ZNF746: variants seen among roughly 807,000 people sequenced by gnomAD.
ZNF746 encodes the protein zinc finger protein 746, also known as parkin-interacting substrate.
Under a neutral mutation model 41.0 loss-of-function variants are expected in ZNF746, and 13 were observed. The observed-to-expected ratio is 0.32, with a 90% CI of 0.21 to 0.50. The LOEUF (loss-of-function observed/expected upper bound fraction) is 0.50, where lower values mean the gene tolerates loss of function less well. Among genes scored for constraint, ZNF746 ranks in the 20% least tolerant of loss-of-function variants. ZNF746 has a pLI of 0.98. For missense variants in ZNF746, 811 were observed against 922.9 expected (o/e 0.88, Z 1.57); for synonymous variants, 424 against 396.2 (o/e 1.07, Z -0.83).
Position 149,494,008 on chromosome 7 carries a change from G to C in ZNF746, c.432C>G (p.Tyr144Ter). 6.2e-7 allele frequency: 1 copy of C among 1,614,212 alleles called. No individual in the cohort carries two copies. The highest frequency in any genetic ancestry group is 8.5e-7 in the Non-Finnish European group (1 of 1,180,046). Residue 144 changes from tyrosine to a stop codon, truncating the protein, a stop_gained, in exon 3 of 7, where the codon TAC becomes TAG. Coordinates refer to ENST00000458143, the MANE Select transcript of ZNF746 (RefSeq NM_001394198.1). LOFTEE classifies it high-confidence loss of function. This position sits in a 1 kb window ranked among gnomAD's most constrained non-coding sequence, Gnocchi z 5.6. Reference sequence around the variant, plus strand: ...CCTTACCCAGGGAGACCAGCGTCTCGTAGTTGCCCCTCATCACGTGCTTGT... The same window carrying C: ...CCTTACCCAGGGAGACCAGCGTCTCCTAGTTGCCCCTCATCACGTGCTTGT... ...ELYKHVMRGNYETLVSLDYAI... is the reference protein window; with the variant it reads ...ELYKHVMRGN
At chr7:149,496,059 C>T (rs911179142) in intron 1 of ZNF746, among the ~76,000 whole-genome samples, 4 of 152,306 alleles carry the variant, frequency 2.6e-5, no homozygotes, top group South Asian at 2.1e-4. Context: ...TGATCCCAGA[C>T]GCCAAGAGTT....
intron 4 of ZNF746, chr7:149,488,247 ATAAAT>A (rs1436072302): frequency 1.3e-5 from 2 of 152,230 alleles, no homozygotes; most frequent in African/African-American, 2.4e-5. Flanking sequence ...TTAATTCTAG[ATAAAT>A]TAAAGACTTA....
Position 149,474,031 on chromosome 7 carries a change from G to GA in ZNF746, c.*352dup, listed in dbSNP as rs1250603014. 1 of 327,078 alleles carries GA rather than the reference G, an allele frequency of 3.1e-6. No homozygotes were observed. The highest frequency in any genetic ancestry group is 5.9e-6 in the Non-Finnish European group (1 of 170,428). 20.3% of individuals were successfully genotyped at this position (327,078 alleles called of 1,614,324 possible). ...TATCAGACTCAGTGAGATAGTGACA[G>GA]AAATGCACGCCCTGAAAACCAAAAG... On this transcript the variant is annotated 3_prime_UTR_variant, in exon 7 of 7. Transcript: ENST00000458143. The surrounding 1 kb of genome is among the most constrained non-coding windows in gnomAD (Gnocchi z 6.3).
intron 4 of ZNF746, among the ~76,000 whole-genome samples, chr7:149,479,453 A>G (rs1158345876): frequency 1.3e-5 from 2 of 152,258 alleles, no homozygotes; most frequent in Non-Finnish European, 2.9e-5. Flanking sequence ...AATTTAAAAA[A>G]TAATCTCATA....
intron 4 of ZNF746, among the ~76,000 whole-genome samples, chr7:149,482,234 C>T (rs1177443795): frequency 6.6e-6 from 1 of 152,084 alleles, no homozygotes; most frequent in Admixed American, 6.5e-5. Context: ...GATTTTCAGA[C>T]TAAAACCAAA....
rs1056646651 is a variant in ZNF746 at position 149,474,354 on chromosome 7, G to A, written c.*30C>T. ...TGCACACGGGGCTTTTTACACGTGC[G>A]GCCGGCAGGGGCTATGGGGCTGGAG... is the stretch of plus-strand genomic sequence containing the variant. On this transcript the variant is annotated 3_prime_UTR_variant, in exon 7 of 7. Coordinates refer to ENST00000458143, the MANE Select transcript of ZNF746 (RefSeq NM_001394198.1). This position sits in a 1 kb window ranked among gnomAD's most constrained non-coding sequence, Gnocchi z 6.3. The A allele has an allele frequency of 1.3e-6, 2 of 1,580,640 alleles. No homozygotes were observed. The highest frequency in any genetic ancestry group is 1.2e-5 in the South Asian group (1 of 86,528).
Position 149,492,028 on chromosome 7 carries a change from A to T in ZNF746, c.565+831T>A, listed in dbSNP as rs1023297682. ...ACCATAAGGCTGACCAATGTAGACCAAAGTAGCTCTACAACTGCTACTGGT... is the reference window on the plus strand; with the variant it reads ...ACCATAAGGCTGACCAATGTAGACCTAAGTAGCTCTACAACTGCTACTGGT... On this transcript the variant is annotated intron_variant, in intron 4 of 6. Transcript: ENST00000458143. 60 of 701,874 alleles carry T rather than the reference A, an allele frequency of 8.5e-5. No homozygotes were observed. In the Admixed American group the frequency reaches 1.2e-3, roughly 14 times the overall value. The allele number at this position is 701,874 out of a possible 1,614,324, so 43.5% of individuals were successfully genotyped here.
chr7:149,492,089 T>C (rs1800826539), intron 4 of ZNF746: 2 of 682,478 alleles, frequency 2.9e-6, no homozygotes, highest in African/African-American at 1.8e-5. Context: ...CAAGGCTGAC[T>C]CTTTGCAAAG....
At position 149,473,698 on chromosome 7, in the gene ZNF746, A is replaced by C. The variant is rs1185032270; in HGVS notation, c.*686T>G. The C allele has an allele frequency of 6.5e-6, 1 of 154,264 alleles. No individual in the cohort carries two copies. Among genetic ancestry groups the C allele is most frequent in the Non-Finnish European group, 1.4e-5 (1 of 69,214 alleles). 9.6% of individuals were successfully genotyped at this position (154,264 alleles called of 1,614,324 possible). ...TCCTTATGAGGCCAGGGAGTCACAC[A>C]CTAGGGGACACCACCAAGTGCCCTT... is the stretch of plus-strand genomic sequence containing the variant. On this transcript the variant is annotated 3_prime_UTR_variant, in exon 7 of 7. Coordinates refer to ENST00000458143, the MANE Select transcript of ZNF746 (RefSeq NM_001394198.1).
intron 4 of ZNF746, among the ~76,000 whole-genome samples, chr7:149,483,068 G>A (rs1340005519): frequency 3.3e-5 from 5 of 152,156 alleles, no homozygotes; most frequent in Admixed American, 1.3e-4. Flanking sequence ...AAATTTAAAC[G>A]ACTAGTATTT....
chr7:149,480,444 TTTG>T (rs1428362873), intron 4 of ZNF746, among the ~76,000 whole-genome samples: 42 of 152,224 alleles, frequency 2.8e-4, no homozygotes, highest in African/African-American at 7.5e-4. Context: ...TGTTTGTTTG[TTTG>T]TTTGAGATGG....
Position 149,474,605 on chromosome 7 carries a change from C to T in ZNF746, c.1762G>A (p.Gly588Ser), listed in dbSNP as rs974851695. 2 of 1,613,024 alleles carry T rather than the reference C, an allele frequency of 1.2e-6. No individual in the cohort carries two copies. Among genetic ancestry groups the T allele is most frequent in the Non-Finnish European group, 1.7e-6 (2 of 1,179,494 alleles). Residue 588 changes from glycine to serine, a missense_variant, in exon 7 of 7, where the codon GGC (glycine) becomes AGC (serine). Transcript: ENST00000458143. The surrounding 1 kb of genome is among the most constrained non-coding windows in gnomAD (Gnocchi z 6.3). ...GVRPFTCTVC[G>S]KSFIRKDHLR... The stretch of plus-strand genomic sequence containing the variant: ...TGGTCCTTGCGGATGAAGCTTTTGC[C>T]GCAGACGGTGCAGGTGAAGGGCCGC...
chr7:149,491,764 C>T (rs558590317), intron 4 of ZNF746: 131 of 645,086 alleles, frequency 2.0e-4, no homozygotes, highest in Non-Finnish European at 3.1e-4. Context: ...AAAACCAAGG[C>T]AGGTGGGACG....
At position 149,474,799 on chromosome 7, in the gene ZNF746, C is replaced by A; in HGVS notation, c.1568G>T (p.Gly523Val). ...GGSGGGSARD[G>V]SALRCGECGR... ...GCACTCCCCACACCGAAGGGCGCTG[C>A]CATCCCGTGCGCTGCCCCCACCGCT... Residue 523 changes from glycine to valine, a missense_variant, in exon 7 of 7, where the codon GGC becomes GTC. Physicochemically the swap from Gly to Val is moderately radical, Grantham distance 109. Transcript: ENST00000458143. This position sits in a 1 kb window ranked among gnomAD's most constrained non-coding sequence, Gnocchi z 6.3. 6.6e-7 allele frequency: 1 copy of A among 1,524,990 alleles called. No individual in the cohort carries two copies. The highest frequency in any genetic ancestry group is 1.2e-5 in the South Asian group (1 of 82,170). 94.5% of individuals were successfully genotyped at this position (1,524,990 alleles called of 1,614,324 possible).
chr7:149,496,682 C>G (rs1162495251), intron 1 of ZNF746, among the ~76,000 whole-genome samples: 2 of 152,162 alleles, frequency 1.3e-5, no homozygotes, highest in Admixed American at 6.5e-5. Context: ...TCCCTAAAAG[C>G]CCGGCTCAAA....
chr7:149,496,775 C>T, intron 1 of ZNF746: 1 of 982,266 alleles, frequency 1.0e-6, no homozygotes, highest in Non-Finnish European at 1.2e-6. Context: ...CCGGAGCCCA[C>T]CGCAAGCTTC....
intron 3 of ZNF746, 119 bp downstream of exon 3, chr7:149,493,870 C>T (rs1332472144): frequency 2.0e-6 from 3 of 1,530,730 alleles, no homozygotes; most frequent in Non-Finnish European, 2.7e-6. Flanking sequence ...TAACAACTTG[C>T]AAGGTCAACA....
Position 149,497,636 on chromosome 7 carries a change from G to A in ZNF746, c.-100C>T. The A allele has an allele frequency of 1.1e-6, 1 of 905,722 alleles. No homozygotes were observed. Among genetic ancestry groups the A allele is most frequent in the Non-Finnish European group, 1.3e-6 (1 of 752,330 alleles). 56.1% of individuals were successfully genotyped at this position (905,722 alleles called of 1,614,324 possible). On this transcript the variant is annotated 5_prime_UTR_variant, in exon 1 of 7. Transcript: ENST00000458143. This position sits in a 1 kb window ranked among gnomAD's most constrained non-coding sequence, Gnocchi z 4.2. ...CCGCCCGGTGCTCTCCGCAGGCGGC[G>A]CCTGCCTGGCCTTTCCTCTGCCGCC...
chr7:149,491,993 A>G (rs1445328184), intron 4 of ZNF746: 8 of 702,978 alleles, frequency 1.1e-5, no homozygotes, highest in African/African-American at 1.7e-5. Flanking sequence ...TGTGCTTCTA[A>G]TAATACCAAA....
Sources: gnomAD v4.1 joint callset for allele counts (sites outside exome capture counted in the v4.1 genomes callset) on GRCh38, gnomAD v4.1.1 for gene constraint, Gnocchi (gnomAD v3.1) non-coding constraint, MANE v1.5 for transcripts, NCBI Gene and HGNC (gene_info 2026-07-23, HGNC 2026-07-21) for gene names.